Variants in NAALADL2 observed in about 807,000 individuals in gnomAD.
The protein encoded by NAALADL2 is N-acetylated alpha-linked acidic dipeptidase like 2, also known as inactive N-acetylated-alpha-linked acidic dipeptidase-like protein 2.
A neutral mutation model predicts 87.2 loss-of-function variants in NAALADL2; 76 were observed. The ratio of observed to expected loss-of-function variants is 0.87; its 90% CI spans 0.72 to 1.05. The LOEUF is 1.05. Ranked by LOEUF, NAALADL2 falls within the 50% of genes least tolerant of loss-of-function variation. NAALADL2 has a pLI of 0.00. For synonymous variants in NAALADL2, 354 were observed against 331.0 expected, an observed-to-expected ratio of 1.07 and a Z score of -0.75; for missense variants, 1,089 against 945.8, an observed-to-expected ratio of 1.15 and a Z score of -1.99.
intron 3 of NAALADL2, among the ~76,000 whole-genome samples, chr3:174,739,083 TG>T (rs1260816173): frequency 6.6e-6 from 1 of 152,198 alleles, no homozygotes; most frequent in African/African-American, 2.4e-5. Flanking sequence ...AAAATTAAAT[TG>T]GTAGCTTAAA....
chr3:174,812,935 T>C (rs968137763), intron 3 of NAALADL2, among the ~76,000 whole-genome samples: 1 of 152,086 alleles, frequency 6.6e-6, no homozygotes, highest in African/African-American at 2.4e-5. Flanking sequence ...AGTAAAGACA[T>C]TAAAAAGTTT....
chr3:175,002,276 G>C (rs375907403), intron 1 of NAALADL2, among the ~76,000 whole-genome samples: 3 of 152,136 alleles, frequency 2.0e-5, no homozygotes, highest in African/African-American at 7.2e-5. Flanking sequence ...TATGTATAGC[G>C]CAGAAAGTCA....
intron 9 of NAALADL2, among the ~76,000 whole-genome samples, chr3:175,555,128 T>A (rs552201194): frequency 6.6e-6 from 1 of 152,296 alleles, no homozygotes; most frequent in East Asian, 1.9e-4. Context: ...GTTTTTGTTG[T>A]TTTTGTTTCT....
At chr3:175,555,097 A>G (rs1229183840) in intron 9 of NAALADL2, among the ~76,000 whole-genome samples, 2 of 152,156 alleles carry the variant, frequency 1.3e-5, no homozygotes, top group East Asian at 1.9e-4. Context: ...CCAAGACCCT[A>G]TCTATTGGTG....
intron 1 of NAALADL2, among the ~76,000 whole-genome samples, chr3:174,986,028 A>G (rs1323539559): frequency 6.6e-6 from 1 of 152,050 alleles, no homozygotes; most frequent in Non-Finnish European, 1.5e-5. Context: ...ATTGGTGACG[A>G]TGACATCTAT....
chr3:175,256,349 G>T, intron 3 of NAALADL2, 62 bp from the exon 4 acceptor site: 2 of 1,470,852 alleles, frequency 1.4e-6, no homozygotes, highest in South Asian at 2.7e-5. Context: ...ATACTAAATG[G>T]ACAATTGGCT....
intron 13 of NAALADL2, among the ~76,000 whole-genome samples, chr3:175,766,716 G>A (rs1334181067): frequency 1.3e-5 from 2 of 152,072 alleles, no homozygotes; most frequent in African/African-American, 4.8e-5. Context: ...TAAGAGAAAG[G>A]ATCATGCTGA....
intron 1 of NAALADL2, 26 bp downstream of exon 1, chr3:174,859,476 T>C: frequency 1.3e-6 from 2 of 1,590,674 alleles, no homozygotes; most frequent in Non-Finnish European, 1.7e-6. Context: ...CTATGAACTT[T>C]TCACTTTTCA....
chr3:175,507,610 G>A (rs1730527661), intron 9 of NAALADL2, among the ~76,000 whole-genome samples: 1 of 152,122 alleles, frequency 6.6e-6, no homozygotes, highest in African/African-American at 2.4e-5. Context: ...TTTTAGTAGA[G>A]ATGGCGTTTC....
intron 1 of NAALADL2, among the ~76,000 whole-genome samples, chr3:174,939,550 C>T (rs2108460608): frequency 6.6e-6 from 1 of 151,852 alleles, no homozygotes; most frequent in South Asian, 2.1e-4. Flanking sequence ...TGAAAAATGT[C>T]ATTGGTAGTT....
intron 1 of NAALADL2, among the ~76,000 whole-genome samples, chr3:174,884,269 C>T (rs762635939): frequency 5.9e-5 from 9 of 152,124 alleles, no homozygotes; most frequent in Non-Finnish European, 1.0e-4. Context: ...ATGAAAGAAA[C>T]AGTACCATAT....
rs559186378 is a variant in NAALADL2 at position 175,560,682 on chromosome 3, C to T, written c.1654-15359C>T. The stretch of plus-strand genomic sequence containing the variant: ...TTCAAGAAAGTTTTGTTTGCAGTGC[C>T]GCAATTTCAGCTCACTGCAACCTCC... On this transcript the variant is annotated intron_variant, in intron 9 of 13. Coordinates refer to ENST00000454872, the MANE Select transcript of NAALADL2 (RefSeq NM_207015.3). 4.6e-5 allele frequency among the ~76,000 whole-genome samples: 7 copies of T among 152,058 alleles called. No homozygotes were observed. In the South Asian group the frequency reaches 1.4e-3, roughly 31 times the overall value.
intron 1 of NAALADL2, among the ~76,000 whole-genome samples, chr3:174,451,220 G>T (rs1239537769): frequency 3.9e-5 from 6 of 152,132 alleles, no homozygotes; most frequent in Non-Finnish European, 2.9e-5. Context: ...AGTACTGAGG[G>T]TTTAATTTAT....
At chr3:174,895,059 G>A (rs1731337306) in intron 1 of NAALADL2, among the ~76,000 whole-genome samples, 1 of 151,990 alleles carries the variant, frequency 6.6e-6, no homozygotes, top group Non-Finnish European at 1.5e-5. Flanking sequence ...ATAGCTTTAA[G>A]TGCCTACATC....
At chr3:175,353,421 A>C (rs1293110250) in intron 5 of NAALADL2, among the ~76,000 whole-genome samples, 3 of 152,174 alleles carry the variant, frequency 2.0e-5, no homozygotes, top group African/African-American at 2.4e-5. Context: ...CTCTCATCCC[A>C]AAATTATTCA....
At chr3:175,101,776 T>G (rs1197407308) in intron 2 of NAALADL2, among the ~76,000 whole-genome samples, 1 of 152,090 alleles carries the variant, frequency 6.6e-6, no homozygotes, top group Non-Finnish European at 1.5e-5. Flanking sequence ...TGTGTTTGCC[T>G]TTGACAGCTG....
At chr3:175,538,176 C>G (rs4392423) in intron 9 of NAALADL2, among the ~76,000 whole-genome samples, 140,818 of 152,100 alleles carry the variant, frequency 0.93, 65,266 homozygotes, top group East Asian at 0.98. Context: ...CTTTTATAGA[C>G]AGAATGTCCA....
chr3:175,802,883 ATAT>A, intron 13 of NAALADL2, 119 bp from the exon 14 acceptor site: 1 of 608,126 alleles, frequency 1.6e-6, no homozygotes, highest in Non-Finnish European at 2.6e-6. Flanking sequence ...TCGTGATATT[ATAT>A]TTTTATAATT....
rs1376002730 is a variant in NAALADL2 at position 175,737,307 on chromosome 3, T to C, written c.1898T>C (p.Leu633Pro). ...TTTCTTTTTCCTTTTTTCTTTCAGC[T>C]CTCAGGAGAAGTGATTTTGCAAATT... ...SFNLHETITK[L>P]SGEVILQIAN... The change falls in exon 12 of 14, where the codon CTC (leucine) becomes CCC (proline). Residue 633 changes from leucine (L) to proline (P), a missense_variant and splice_region_variant. Coordinates refer to ENST00000454872, the MANE Select transcript of NAALADL2 (RefSeq NM_207015.3). 2 of 1,590,132 alleles carry C rather than the reference T, an allele frequency of 1.3e-6. No individual in the cohort carries two copies. The highest frequency in any genetic ancestry group is 2.2e-5 in the East Asian group (1 of 44,714).
Sources: gnomAD v4.1 joint callset for allele counts (sites outside exome capture counted in the v4.1 genomes callset) on GRCh38, gnomAD v4.1.1 for gene constraint, MANE v1.5 for transcripts, NCBI Gene and HGNC (gene_info 2026-07-23, HGNC 2026-07-21) for gene names.